The following CD6 variants were observed in gnomAD, a reference collection of about 807,000 sequenced individuals.
The protein encoded by CD6 is CD6 molecule, also known as T-cell differentiation antigen CD6.
Under a neutral mutation model 75.3 loss-of-function variants are expected in CD6, and 53 were observed. The ratio of observed to expected loss-of-function variants is 0.70; its 90% CI spans 0.56 to 0.88. CD6 has a LOEUF of 0.88. Ranked by LOEUF, CD6 falls within the 40% of genes least tolerant of loss-of-function variation. The probability of loss-of-function intolerance (pLI) is 0.00; values close to 1 mark genes in which losing one functional copy is unlikely to be tolerated. For synonymous variants in CD6, 359 were observed against 381.5 expected, an observed-to-expected ratio of 0.94 and a Z score of 0.69; for missense variants, 770 against 897.1, an observed-to-expected ratio of 0.86 and a Z score of 1.81.
intron 6 of CD6, among the ~76,000 whole-genome samples, 173 bp from the exon 7 acceptor site, chr11:61,013,250 T>C (rs897482318): frequency 6.6e-6 from 1 of 152,234 alleles, no homozygotes; most frequent in Non-Finnish European, 1.5e-5. Flanking sequence ...ATGCATTTAT[T>C]GAGCGCCTAA....
At chr11:61,009,992 C>T in intron 5 of CD6, 118 bp downstream of exon 5, 1 of 985,400 alleles carries the variant, frequency 1.0e-6, no homozygotes, top group Non-Finnish European at 1.5e-6. Flanking sequence ...GCACATATGG[C>T]ATAAGAAGGA....
At chr11:60,985,391 G>A (rs1437783691) in intron 1 of CD6, among the ~76,000 whole-genome samples, 1 of 151,818 alleles carries the variant, frequency 6.6e-6, no homozygotes, top group Non-Finnish European at 1.5e-5. Context: ...CGCCATGTTA[G>A]CCAGGCTGGT....
chr11:60,991,471 G>A (rs774710864), intron 1 of CD6, among the ~76,000 whole-genome samples: 8 of 151,774 alleles, frequency 5.3e-5, no homozygotes, highest in Non-Finnish European at 1.0e-4. Flanking sequence ...ATTTTTCTCT[G>A]CACAATATCC....
At position 61,011,087 on chromosome 11, in the gene CD6, A is replaced by G; in HGVS notation, c.1102A>G (p.Asn368Asp). The G allele has an allele frequency of 6.2e-7, 1 of 1,614,078 alleles. No homozygotes were observed. The highest frequency in any genetic ancestry group is 8.5e-7 in the Non-Finnish European group (1 of 1,180,008). Residue 368 changes from asparagine (N) to aspartate (D), a missense_variant, in exon 6 of 13, where the codon AAT becomes GAT. Coordinates refer to ENST00000313421, the MANE Select transcript of CD6 (RefSeq NM_006725.5). ...VLCSASRSLHNLSTPEVPASV... is the reference protein window; with the variant it reads ...VLCSASRSLHDLSTPEVPASV... ...TCTGACAGCTTCCCGGAGTTTGCAC[A>G]ATCTGTCCACTCCCGAAGTCCCTGC...
Position 60,971,857 on chromosome 11 carries a change from G to A in CD6, c.-9G>A. ...CAGCCACGCGTAGCAGCCAGAGACA[G>A]CTCCAGACATGTGGCTCTTCTTCGG... On this transcript the variant is annotated 5_prime_UTR_variant, in exon 1 of 13. Coordinates refer to ENST00000313421, the MANE Select transcript of CD6 (RefSeq NM_006725.5). The A allele has an allele frequency of 2.5e-6, 4 of 1,613,638 alleles. No homozygotes were observed. Among genetic ancestry groups the A allele is most frequent in the Non-Finnish European group, 3.4e-6 (4 of 1,179,856 alleles).
At position 61,009,617 on chromosome 11, in the gene CD6, G is replaced by A; in HGVS notation, c.827G>A (p.Gly276Glu). The A allele has an allele frequency of 3.1e-6, 5 of 1,613,246 alleles. No individual in the cohort carries two copies. The highest frequency in any genetic ancestry group is 4.2e-6 in the Non-Finnish European group (5 of 1,179,852). ...ACAGGGGGCGCTGACCGCTGCGAGGGGCAGGTGGAGGTACACTTCCGAGGG... is the reference window on the plus strand; with the variant it reads ...ACAGGGGGCGCTGACCGCTGCGAGGAGCAGGTGGAGGTACACTTCCGAGGG... ...RLTGGADRCEGQVEVHFRGVW... is the reference protein window; with the variant it reads ...RLTGGADRCEEQVEVHFRGVW... The change falls in exon 5 of 13, where the codon GGG (glycine) becomes GAG (glutamate). Residue 276 changes from glycine (G) to glutamate (E), a missense_variant. Gly to Glu is a moderately conservative substitution (Grantham distance 98, BLOSUM62 -2). Coordinates refer to ENST00000313421, the MANE Select transcript of CD6 (RefSeq NM_006725.5).
chr11:60,984,884 G>C (rs1309216487), intron 1 of CD6, among the ~76,000 whole-genome samples: 5 of 152,226 alleles, frequency 3.3e-5, no homozygotes, highest in African/African-American at 1.2e-4. Flanking sequence ...AGGAGATGGA[G>C]TTGGAGAGGC....
intron 1 of CD6, among the ~76,000 whole-genome samples, chr11:60,993,824 C>G (rs962661648): frequency 5.3e-5 from 8 of 152,154 alleles, no homozygotes; most frequent in Non-Finnish European, 1.2e-4. Flanking sequence ...GCATATGCAA[C>G]AAGTTCAGCA....
chr11:61,009,409 G>A (rs1324003051), intron 4 of CD6, among the ~76,000 whole-genome samples, 163 bp from the exon 5 acceptor site: 5 of 152,256 alleles, frequency 3.3e-5, no homozygotes, highest in Admixed American at 1.3e-4. Context: ...GTTGGCCAGA[G>A]CAAATGGGGC....
intron 1 of CD6, among the ~76,000 whole-genome samples, chr11:60,984,708 G>A (rs775964076): frequency 5.3e-5 from 8 of 152,198 alleles, no homozygotes; most frequent in Admixed American, 1.3e-4. Flanking sequence ...GACTGAGAGC[G>A]GTTGCACTGG....
Position 61,009,693 on chromosome 11 carries a change from G to A in CD6, c.903G>A (p.Val301=). The A allele has an allele frequency of 6.2e-7, 1 of 1,614,102 alleles. No homozygotes were observed. Among genetic ancestry groups the A allele is most frequent in the East Asian group, 2.2e-5 (1 of 44,886 alleles). Residue 301 remains valine (V), a synonymous_variant, in exon 5 of 13, where the codon GTG becomes GTA. Coordinates refer to ENST00000313421, the MANE Select transcript of CD6 (RefSeq NM_006725.5). ...DSEWYPSEAK[V]LCQSLGCGTA... Reference sequence around the variant, plus strand: ...AGTGGTACCCATCGGAGGCCAAGGTGCTCTGCCAGTCCTTGGGCTGTGGAA... The same window carrying A: ...AGTGGTACCCATCGGAGGCCAAGGTACTCTGCCAGTCCTTGGGCTGTGGAA...
chr11:61,018,069 A>G, intron 11 of CD6, 56 bp downstream of exon 11: 1 of 1,586,080 alleles, frequency 6.3e-7, no homozygotes, highest in South Asian at 1.1e-5. Flanking sequence ...TGGAGGAGGC[A>G]TAAAGCTGGG....
In CD6 at chr11:60,982,071, G is replaced by T. The variant is rs1217088353; in HGVS notation, c.49+10157G>T. On this transcript the variant is annotated intron_variant, in intron 1 of 12. Coordinates refer to ENST00000313421, the MANE Select transcript of CD6 (RefSeq NM_006725.5). ...GTGCCAGCAGATGCCAGGGTGGCGG[G>T]GGGGGGGGTTCTGTGCATGGGGCTG... Among the ~76,000 whole-genome samples the T allele has an allele frequency of 2.7e-4, 6 of 22,506 alleles. No homozygotes were observed. In the Admixed American group the frequency reaches 3.1e-3, roughly 12 times the overall value. The allele number at this position is 22,506 out of a possible 152,430, so 14.8% of individuals were successfully genotyped here.
At chr11:61,017,687 T>C (rs1859473944) in intron 10 of CD6, 72 bp from the exon 11 acceptor site, 2 of 1,602,722 alleles carry the variant, frequency 1.2e-6, no homozygotes, top group African/African-American at 1.3e-5. Context: ...CAGTAAGTGC[T>C]TTCTGAAGTC....
In CD6 at chr11:61,017,935, G is replaced by A; in HGVS notation, c.1759G>A (p.Val587Met). ...KSKLPPWNPQ[V>M]FSSERSSFLE... is the part of the protein sequence containing the mutation. ...CAAGCTGCCTCCATGGAACCCCCAGGTGTTTTCTTCAGAGAGGAGTTCCTT... is the reference window on the plus strand; with the variant it reads ...CAAGCTGCCTCCATGGAACCCCCAGATGTTTTCTTCAGAGAGGAGTTCCTT... Residue 587 changes from valine to methionine, a missense_variant, in exon 11 of 13, where the codon GTG becomes ATG. Physicochemically the swap from Val to Met is conservative, Grantham distance 21. Transcript: ENST00000313421. 6.2e-7 allele frequency: 1 copy of A among 1,613,942 alleles called. No individual in the cohort carries two copies. The highest frequency in any genetic ancestry group is 8.5e-7 in the Non-Finnish European group (1 of 1,180,034).
At chr11:60,985,614 G>A (rs1857782673) in intron 1 of CD6, among the ~76,000 whole-genome samples, 1 of 152,130 alleles carries the variant, frequency 6.6e-6, no homozygotes, top group Admixed American at 6.5e-5. Context: ...AACCAAAAGT[G>A]TCATTAAATA....
intron 9 of CD6, among the ~76,000 whole-genome samples, chr11:61,016,632 G>A (rs1299939375): frequency 6.6e-6 from 1 of 152,244 alleles, no homozygotes; most frequent in East Asian, 1.9e-4. Flanking sequence ...GCAAGGGCAA[G>A]GGAACGATGG....
At chr11:61,001,703 T>C (rs556467307) in intron 1 of CD6, among the ~76,000 whole-genome samples, 2 of 152,330 alleles carry the variant, frequency 1.3e-5, no homozygotes, top group Middle Eastern at 3.4e-3. Context: ...CCTTTTACCT[T>C]CATTGCTTGC....
intron 6 of CD6, among the ~76,000 whole-genome samples, chr11:61,011,831 C>T (rs575795230): frequency 7.6e-4 from 116 of 152,280 alleles, no homozygotes; most frequent in Non-Finnish European, 1.4e-3. Flanking sequence ...TTGGGCAACT[C>T]GGAACCTCTC....
Sources: allele counts gnomAD v4.1 joint callset (sites outside exome capture counted in the v4.1 genomes callset), GRCh38; gene constraint gnomAD v4.1.1; transcripts MANE v1.5; gene names NCBI Gene and HGNC (gene_info 2026-07-23, HGNC 2026-07-21).